Variants in EEFSEC observed in about 807,000 individuals in gnomAD.
EEFSEC encodes the protein eukaryotic elongation factor, selenocysteine-tRNA specific, also known as selenocysteine-specific elongation factor.
A neutral mutation model predicts 42.1 loss-of-function variants in EEFSEC; 43 were observed. The ratio of observed to expected loss-of-function variants is 1.02; its 90% CI spans 0.80 to 1.32. EEFSEC has a LOEUF of 1.32. EEFSEC is among the 40% of genes most tolerant of loss of function. The pLI is 0.00. For synonymous variants in EEFSEC, 354 were observed against 339.1 expected, an observed-to-expected ratio of 1.04 and a Z score of -0.48; for missense variants, 745 against 803.6, an observed-to-expected ratio of 0.93 and a Z score of 0.88.
chr3:128,354,441 TG>T (rs2067427286), intron 5 of EEFSEC, among the ~76,000 whole-genome samples: 1 of 152,154 alleles, frequency 6.6e-6, no homozygotes, highest in African/African-American at 2.4e-5. Flanking sequence ...TTTGTGGGAA[TG>T]TAGGTCAGTG....
Position 128,341,495 on chromosome 3 carries a change from T to C in EEFSEC, c.1049T>C (p.Phe350Ser), listed in dbSNP as rs754022930. Residue 350 changes from phenylalanine (F) to serine (S), a missense_variant, in exon 5 of 7, where the codon TTC becomes TCC. Coordinates refer to ENST00000254730, the MANE Select transcript of EEFSEC (RefSeq NM_021937.5). ...GHETVMGRLM[F>S]FSPAPDNFDQ... ...GAAACAGTCATGGGCCGGTTGATGTTCTTCAGTCCTGCTCCAGATAACTTT... is the reference window on the plus strand; with the variant it reads ...GAAACAGTCATGGGCCGGTTGATGTCCTTCAGTCCTGCTCCAGATAACTTT... The C allele has an allele frequency of 2.5e-6, 4 of 1,614,160 alleles. No individual in the cohort carries two copies. Among genetic ancestry groups the C allele is most frequent in the Non-Finnish European group, 3.4e-6 (4 of 1,180,036 alleles).
At chr3:128,367,949 C>A in intron 6 of EEFSEC, 1 of 708,310 alleles carries the variant, frequency 1.4e-6, no homozygotes, top group Non-Finnish European at 1.7e-6. Flanking sequence ...CTCCCACCAC[C>A]CACTGGGAGA....
intron 1 of EEFSEC, among the ~76,000 whole-genome samples, chr3:128,233,351 CA>C (rs2065977788): frequency 2.0e-5 from 3 of 152,184 alleles, no homozygotes; most frequent in Non-Finnish European, 4.4e-5. Context: ...ATGATTTAAA[CA>C]TACATGTGAG....
At chr3:128,154,674 C>T (rs1363283181) in intron 1 of EEFSEC, among the ~76,000 whole-genome samples, 1 of 152,174 alleles carries the variant, frequency 6.6e-6, no homozygotes, top group Non-Finnish European at 1.5e-5. Flanking sequence ...TGGTCTCAAA[C>T]TCCTGACTTC....
At chr3:128,414,485 T>TC in the EEFSEC span, among the ~76,000 whole-genome samples, 3 of 152,202 alleles carry the variant, frequency 2.0e-5, no homozygotes, top group African/African-American at 7.2e-5. Context: ...CCCTGGAAAT[T>TC]CCCCAAGGAC....
At chr3:128,297,722 C>G (rs894579717) in intron 4 of EEFSEC, among the ~76,000 whole-genome samples, 7 of 151,988 alleles carry the variant, frequency 4.6e-5, no homozygotes, top group African/African-American at 1.7e-4. Flanking sequence ...CTGGCTCTCC[C>G]ATGCTAAAAA....
chr3:128,191,003 A>G (rs192713758), intron 1 of EEFSEC, among the ~76,000 whole-genome samples: 1 of 152,056 alleles, frequency 6.6e-6, no homozygotes, highest in East Asian at 1.9e-4. Context: ...GCCTAGGAGC[A>G]ATAGGCTATT....
intron 1 of EEFSEC, among the ~76,000 whole-genome samples, chr3:128,175,477 C>T (rs943777594): frequency 3.9e-5 from 6 of 152,008 alleles, no homozygotes; most frequent in African/African-American, 1.4e-4. Flanking sequence ...GTGGGGAAGA[C>T]GAGCGTAGGT....
intron 5 of EEFSEC, among the ~76,000 whole-genome samples, chr3:128,344,169 T>C (rs2067286422): frequency 6.6e-6 from 1 of 152,248 alleles, no homozygotes; most frequent in South Asian, 2.1e-4. Context: ...GGCTGGGGCT[T>C]CTGTGCCACA....
At chr3:128,300,696 A>C in intron 4 of EEFSEC, among the ~76,000 whole-genome samples, 1 of 152,236 alleles carries the variant, frequency 6.6e-6, no homozygotes, top group East Asian at 1.9e-4. Flanking sequence ...TAGTAGCTTA[A>C]AACAACACAT....
At chr3:128,343,911 C>A (rs2067283742) in intron 5 of EEFSEC, among the ~76,000 whole-genome samples, 1 of 152,230 alleles carries the variant, frequency 6.6e-6, no homozygotes, top group African/African-American at 2.4e-5. Flanking sequence ...GAGTCCAAAT[C>A]CCATATAGAC....
At chr3:128,410,527 C>T (rs937243813), downstream of EEFSEC, among the ~76,000 whole-genome samples, 2 of 152,178 alleles carry the variant, frequency 1.3e-5, no homozygotes, top group Admixed American at 1.3e-4. Flanking sequence ...GCACACAGGG[C>T]GAATGTGGCT....
intron 6 of EEFSEC, among the ~76,000 whole-genome samples, chr3:128,383,539 T>C (rs1044276118): frequency 6.6e-6 from 1 of 152,208 alleles, no homozygotes; most frequent in African/African-American, 2.4e-5. Context: ...ACGCAGCTGA[T>C]CTGCGCCTGG....
At chr3:128,292,032 T>A (rs1317310264) in intron 4 of EEFSEC, among the ~76,000 whole-genome samples, 1 of 152,166 alleles carries the variant, frequency 6.6e-6, no homozygotes, top group Non-Finnish European at 1.5e-5. Flanking sequence ...CTGCTTCTAT[T>A]AAATTATTAT....
intron 1 of EEFSEC, among the ~76,000 whole-genome samples, chr3:128,163,854 T>C (rs2065217338): frequency 6.6e-6 from 1 of 151,734 alleles, no homozygotes; most frequent in Non-Finnish European, 1.5e-5. Context: ...AGGCTGGTCT[T>C]GAACTCCTGA....
chr3:128,154,039 A>T, intron 1 of EEFSEC: 1 of 460,132 alleles, frequency 2.2e-6, no homozygotes, highest in Non-Finnish European at 3.6e-6. Flanking sequence ...AGCAGAACCG[A>T]GCTGCAAGGC....
At position 128,327,081 on chromosome 3, in the gene EEFSEC, C is replaced by G. The variant is rs956553164; in HGVS notation, c.787-14152C>G. 6.6e-5 allele frequency among the ~76,000 whole-genome samples: 10 copies of G among 152,342 alleles called. No individual in the cohort carries two copies. The East Asian group carries it at 1.7e-3, about 26-fold the overall frequency. On this transcript the variant is annotated intron_variant, in intron 4 of 6. Transcript: ENST00000254730. ...CACTACACACAGAGCTACCACACTG[C>G]CTGCCCCCACGTGTGCTCATCAGTG...
At chr3:128,351,566 C>A (rs755612234) in intron 5 of EEFSEC, among the ~76,000 whole-genome samples, 9 of 152,220 alleles carry the variant, frequency 5.9e-5, no homozygotes, top group Non-Finnish European at 1.2e-4. Context: ...CGTTTGCCTG[C>A]CTTCCTTCGT....
chr3:128,309,137 C>G (rs1025128383), intron 4 of EEFSEC, among the ~76,000 whole-genome samples: 1 of 152,178 alleles, frequency 6.6e-6, no homozygotes, highest in African/African-American at 2.4e-5. Context: ...GATGGAACAG[C>G]TTGTCACAAA....
Sources: gnomAD v4.1 joint callset for allele counts (sites outside exome capture counted in the v4.1 genomes callset) on GRCh38, gnomAD v4.1.1 for gene constraint, MANE v1.5 for transcripts, NCBI Gene and HGNC (gene_info 2026-07-23, HGNC 2026-07-21) for gene names.